The following DZANK1 variants were observed in gnomAD, a reference collection of about 807,000 sequenced individuals.
DZANK1 encodes the protein double zinc ribbon and ankyrin repeat-containing protein 1.
Under a neutral mutation model 94.5 loss-of-function variants are expected in DZANK1, and 91 were observed. That is an observed-to-expected ratio of 0.96 (90% CI 0.81 to 1.15). DZANK1 has a LOEUF of 1.15. Ranked by LOEUF, DZANK1 falls within the 50% of genes most tolerant of loss-of-function variation. The pLI, the probability that DZANK1 is intolerant of heterozygous loss-of-function variation, is 0.00. For missense variants in DZANK1, 903 were observed against 916.4 expected, an observed-to-expected ratio of 0.99 and a Z score of 0.19; for synonymous variants, 312 against 325.3, an observed-to-expected ratio of 0.96 and a Z score of 0.44.
chr20:18,388,704 C>G (rs2048664411), intron 19 of DZANK1, among the ~76,000 whole-genome samples: 2 of 152,128 alleles, frequency 1.3e-5, no homozygotes, highest in Non-Finnish European at 2.9e-5. Flanking sequence ...AGCATCGAAG[C>G]TTTACACCAA....
intron 14 of DZANK1, among the ~76,000 whole-genome samples, chr20:18,398,054 A>AT (rs533727364): frequency 6.6e-6 from 1 of 151,998 alleles, no homozygotes; most frequent in Non-Finnish European, 1.5e-5. Flanking sequence ...ATTTGTGGTT[A>AT]TTTTTTTTAA....
chr20:18,427,893 G>A lies in DZANK1; in HGVS notation c.862-734C>T, dbSNP rs540973605. ...TGGCTGGGTGCAGTGGCTCATGCCT[G>A]TAATCCCAGCACTTTGGGAGGCTGA... On this transcript the variant is annotated intron_variant, in intron 9 of 20. Coordinates refer to ENST00000262547, the Ensembl canonical transcript of DZANK1. Among the ~76,000 whole-genome samples, 17 of 152,148 alleles carry A rather than the reference G, an allele frequency of 1.1e-4. No homozygotes were observed. In the South Asian group the frequency reaches 3.5e-3, roughly 32 times the overall value.
At chr20:18,455,571 T>C (rs2059257834) in intron 3 of DZANK1, among the ~76,000 whole-genome samples, 1 of 152,194 alleles carries the variant, frequency 6.6e-6, no homozygotes, top group Non-Finnish European at 1.5e-5. Flanking sequence ...ACCCCAAAGG[T>C]AGTGCCTTAA....
At chr20:18,451,798 C>T (rs940241539) in intron 6 of DZANK1, 8 of 481,922 alleles carry the variant, frequency 1.7e-5, no homozygotes, top group South Asian at 9.3e-5. Flanking sequence ...CAGCAAAGCC[C>T]GCCTCCTATC....
chr20:18,407,146 T>G (rs552329664), intron 13 of DZANK1, among the ~76,000 whole-genome samples: 28 of 152,358 alleles, frequency 1.8e-4, no homozygotes, highest in African/African-American at 6.7e-4. Context: ...GGTTAGGACC[T>G]TGGGCAAGGC....
intron 10 of DZANK1, among the ~76,000 whole-genome samples, chr20:18,417,128 G>T (rs1040591084): frequency 2.0e-5 from 3 of 151,900 alleles, no homozygotes; most frequent in Admixed American, 6.6e-5. Context: ...GAATGAACAT[G>T]CATTGTTACT....
At position 18,428,211 on chromosome 20, in the gene DZANK1, C is replaced by T. The variant is rs1313200226; in HGVS notation, c.862-1052G>A. Among the ~76,000 whole-genome samples, 8 of 148,506 alleles carry T rather than the reference C, an allele frequency of 5.4e-5. No individual in the cohort carries two copies. The East Asian group carries it at 8.0e-4, about 15-fold the overall frequency. ...CTTAATTTTTTTCTTTTTTTTGAGA[C>T]GGAATCTCCTTCTGTCACCCAGGCT... is the stretch of plus-strand genomic sequence containing the variant. On this transcript the variant is annotated intron_variant, in intron 9 of 20. Coordinates refer to ENST00000262547, the Ensembl canonical transcript of DZANK1.
intron 13 of DZANK1, among the ~76,000 whole-genome samples, chr20:18,404,189 A>G (rs918423675): frequency 6.6e-6 from 1 of 152,018 alleles, no homozygotes; most frequent in Non-Finnish European, 1.5e-5. Flanking sequence ...GCCCAAGACA[A>G]TTCTTCTAGT....
At chr20:18,398,696 G>A in intron 13 of DZANK1, 70 bp from the exon 14 acceptor site, 1 of 1,424,952 alleles carries the variant, frequency 7.0e-7, no homozygotes, top group Non-Finnish European at 9.9e-7. Flanking sequence ...TGATAGCATG[G>A]AACATATGTT....
Position 18,392,479 on chromosome 20 carries a change from A to C in DZANK1, c.1809+1232T>G, listed in dbSNP as rs960090176. On this transcript the variant is annotated intron_variant, in intron 17 of 20. Transcript: ENST00000262547. ...GGCCTGGCCTTGGAACCACACATGG[A>C]GGGAAGCACACGGCATCATGCAAGT... Among the ~76,000 whole-genome samples, 43 of 152,282 alleles carry C rather than the reference A, an allele frequency of 2.8e-4. 1 individual carries two copies. The highest frequency in any genetic ancestry group is 1.0e-3 in the African/African-American group (43 of 41,550).
chr20:18,424,449 C>T (rs575615595), intron 10 of DZANK1, among the ~76,000 whole-genome samples: 8 of 147,762 alleles, frequency 5.4e-5, no homozygotes, highest in East Asian at 2.0e-4. Flanking sequence ...AGCAAGACTC[C>T]GTCTCAATAA....
chr20:18,443,129 CT>C (rs1568989771), intron 8 of DZANK1, among the ~76,000 whole-genome samples: 1 of 152,090 alleles, frequency 6.6e-6, no homozygotes, highest in Non-Finnish European at 1.5e-5. Context: ...AGATTCCAAT[CT>C]TTTTTAAGCC....
chr20:18,438,232 A>AG lies in DZANK1; in HGVS notation c.748-4468_748-4467insC, dbSNP rs1273404783. On this transcript the variant is annotated intron_variant, in intron 8 of 20. Coordinates refer to ENST00000262547, the Ensembl canonical transcript of DZANK1. ...AGACTCTGTCTCAAAAAAAAAAAAA[A>AG]AAAAAAAGAAATAACACAAAAGAAA... Among the ~76,000 whole-genome samples, 94 of 124,290 alleles carry AG rather than the reference A, an allele frequency of 7.6e-4. 2 individuals are homozygous for AG. In the East Asian group the frequency reaches 0.013, roughly 17 times the overall value. 81.5% of individuals were successfully genotyped at this position (124,290 alleles called of 152,430 possible). A position where few individuals can be genotyped will look rare whatever the true frequency, so the allele number is the denominator to read the frequency against.
chr20:18,403,796 C>CTTTTTTTTTT (rs35824877), intron 13 of DZANK1, among the ~76,000 whole-genome samples: 6 of 111,738 alleles, frequency 5.4e-5, no homozygotes, highest in Non-Finnish European at 9.0e-5. Flanking sequence ...AACTTTCTTT[C>CTTTTTTTTTT]TTTTTTTTTT....
chr20:18,427,333 AGGTTTTTTTG>A (rs964430355), intron 9 of DZANK1, among the ~76,000 whole-genome samples, 174 bp from the exon 10 acceptor site: 1 of 151,852 alleles, frequency 6.6e-6, no homozygotes, highest in African/African-American at 2.4e-5. Context: ...AAATATCTGT[AGGTTTTTTTG>A]GGTTTTTTTT....
At chr20:18,437,022 A>T (rs2058550482) in intron 8 of DZANK1, among the ~76,000 whole-genome samples, 1 of 152,208 alleles carries the variant, frequency 6.6e-6, no homozygotes. Flanking sequence ...GCCTTACAAG[A>T]AAAACTGAAG....
At chr20:18,452,887 G>A (rs752538286) in intron 5 of DZANK1, 148 bp from the exon 6 acceptor site, 12 of 782,906 alleles carry the variant, frequency 1.5e-5, no homozygotes, top group Admixed American at 3.3e-5. Flanking sequence ...AAGAGCTCCC[G>A]CCACACACTC....
At chr20:18,419,419 GA>G (rs2148492300) in intron 10 of DZANK1, among the ~76,000 whole-genome samples, 1 of 152,232 alleles carries the variant, frequency 6.6e-6, no homozygotes, top group East Asian at 1.9e-4. Context: ...TCTGATGAAA[GA>G]CAGAAATTTA....
chr20:18,438,042 C>A (rs1275305238), intron 8 of DZANK1, among the ~76,000 whole-genome samples: 1 of 151,448 alleles, frequency 6.6e-6, no homozygotes, highest in African/African-American at 2.4e-5. Context: ...CATGGTGAAA[C>A]CCCGTCTCTA....
Sources: gnomAD v4.1 joint callset for allele counts (sites outside exome capture counted in the v4.1 genomes callset) on GRCh38, gnomAD v4.1.1 for gene constraint, MANE v1.5 for transcripts, NCBI Gene and HGNC (gene_info 2026-07-23, HGNC 2026-07-21) for gene names.